Variants in SETDB2 observed in about 807,000 individuals in gnomAD.
SETDB2 encodes histone-lysine N-methyltransferase SETDB2.
Under a neutral mutation model 82.5 loss-of-function variants are expected in SETDB2, and 56 were observed. That is an observed-to-expected ratio of 0.68 (90% confidence interval 0.55 to 0.85). The LOEUF (loss-of-function observed/expected upper bound fraction) is 0.85. Among genes scored for constraint, SETDB2 ranks in the 40% least tolerant of loss-of-function variants. The pLI is 0.00. For missense variants in SETDB2, 677 were observed against 816.4 expected (o/e 0.83, Z 2.08); for synonymous variants, 272 against 284.9 (o/e 0.95, Z 0.46).
chr13:49,473,892 G>A (rs1173884941), intron 5 of SETDB2, among the ~76,000 whole-genome samples: 1 of 152,114 alleles, frequency 6.6e-6, no homozygotes, highest in African/African-American at 2.4e-5. Context: ...TGGTAAGAAG[G>A]AACTTGACAC....
intron 4 of SETDB2, among the ~76,000 whole-genome samples, chr13:49,463,458 A>T (rs1958039073): frequency 6.6e-6 from 1 of 152,162 alleles, no homozygotes; most frequent in African/African-American, 2.4e-5. Context: ...ACAGCACTTG[A>T]CTTTTATACA....
At chr13:49,454,654 G>A (rs185304115) in intron 2 of SETDB2, among the ~76,000 whole-genome samples, 3 of 152,164 alleles carry the variant, frequency 2.0e-5, no homozygotes, top group African/African-American at 4.8e-5. Context: ...GATCCCTGAC[G>A]TCCTAAATGA....
chr13:49,484,794 G>A (rs1215170611), intron 10 of SETDB2, among the ~76,000 whole-genome samples: 3 of 152,118 alleles, frequency 2.0e-5, no homozygotes, highest in Non-Finnish European at 4.4e-5. Context: ...TCTGCTTTAG[G>A]TGTTATGCAA....
chr13:49,463,882 C>A, intron 4 of SETDB2: 1 of 631,694 alleles, frequency 1.6e-6, no homozygotes, highest in Non-Finnish European at 2.8e-6. Flanking sequence ...TGTGTCCTGG[C>A]TTCTTAGATA....
Position 49,476,639 on chromosome 13 carries a change from A to C in SETDB2, c.469A>C (p.Ile157Leu), listed in dbSNP as rs151314217. The C allele has an allele frequency of 1.9e-5, 31 of 1,614,072 alleles. No homozygotes were observed. The highest frequency in any genetic ancestry group is 2.4e-5 in the Non-Finnish European group (28 of 1,180,042). The change falls in exon 6 of 14, where the codon ATC (isoleucine) becomes CTC (leucine). Residue 157 changes from isoleucine to leucine, a missense_variant. Ile to Leu is a conservative substitution (Grantham distance 5, BLOSUM62 2). Around this residue, in one of 3 missense-constraint regions of SETDB2, gnomAD observed 243 missense variants for 237.2 expected, o/e 1.02. Transcript: ENST00000611815. ...LKGENPLQLP[I>L]KCHFQRRHAK... ...GGGAGAAAACCCTCTGCAGCTGCCA[A>C]TCAAATGTCACTTCCAAAGACGACA...
chr13:49,457,287 T>C (rs184947676), intron 2 of SETDB2, among the ~76,000 whole-genome samples: 21 of 151,724 alleles, frequency 1.4e-4, no homozygotes, highest in Admixed American at 1.2e-3. Flanking sequence ...ATTTACTCTG[T>C]TTACTTTTTA....
Position 49,480,228 on chromosome 13 carries a change from T to C in SETDB2, c.879T>C (p.Cys293=). 6.2e-7 allele frequency: 1 copy of C among 1,605,180 alleles called. No homozygotes were observed. Among genetic ancestry groups the C allele is most frequent in the African/African-American group, 1.3e-5 (1 of 74,518 alleles). ...ATTGCCTGCCTTTTAGAACAAAATG[T>C]GCATGTCTTCAACTGACAGCAAGGA... ...CSEGCIDITK[C]ACLQLTARNA... The change falls in exon 7 of 14, where the codon TGT becomes TGC. Residue 293 remains cysteine, a synonymous_variant. Coordinates refer to ENST00000611815, the MANE Select transcript of SETDB2 (RefSeq NM_001160308.3).
intron 13 of SETDB2, among the ~76,000 whole-genome samples, chr13:49,491,502 A>G (rs1446338355): frequency 6.6e-6 from 1 of 152,196 alleles, no homozygotes; most frequent in East Asian, 1.9e-4. Flanking sequence ...GGCAAAATAC[A>G]CTTCTTCCTC....
chr13:49,477,917 A>C (rs1323480460), intron 6 of SETDB2, among the ~76,000 whole-genome samples: 1 of 152,234 alleles, frequency 6.6e-6, no homozygotes, highest in South Asian at 2.1e-4. Flanking sequence ...GAAAAAATGA[A>C]AACATGTTCT....
At chr13:49,482,614 A>T in intron 8 of SETDB2, 123 bp from the exon 9 acceptor site, 1 of 666,494 alleles carries the variant, frequency 1.5e-6, no homozygotes, top group Non-Finnish European at 2.5e-6. Flanking sequence ...AGGATGAGTT[A>T]ATGTGTTTAT....
intron 2 of SETDB2, among the ~76,000 whole-genome samples, chr13:49,453,715 A>G (rs1957825837): frequency 6.6e-6 from 1 of 152,046 alleles, no homozygotes; most frequent in Non-Finnish European, 1.5e-5. Context: ...GCTCTCGTAT[A>G]TTTCTTACGC....
chr13:49,491,705 G>T, intron 13 of SETDB2, 27 bp from the exon 14 acceptor site: 1 of 1,512,076 alleles, frequency 6.6e-7, no homozygotes, highest in Non-Finnish European at 9.1e-7. Flanking sequence ...GGTATTTTAT[G>T]ATTCTTTTCA....
At chr13:49,457,482 G>A (rs1051989510) in intron 2 of SETDB2, among the ~76,000 whole-genome samples, 1 of 147,036 alleles carries the variant, frequency 6.8e-6, no homozygotes, top group African/African-American at 2.5e-5. Flanking sequence ...TACCCAGGCT[G>A]GAGTGCAGTG....
chr13:49,467,661 T>A (rs563177469), intron 4 of SETDB2, among the ~76,000 whole-genome samples: 1 of 152,330 alleles, frequency 6.6e-6, no homozygotes, highest in African/African-American at 2.4e-5. Context: ...ATCTTTTCTG[T>A]CCTCAGTATT....
chr13:49,460,829 T>G (rs547304456), intron 3 of SETDB2, among the ~76,000 whole-genome samples: 1 of 152,328 alleles, frequency 6.6e-6, no homozygotes, highest in South Asian at 2.1e-4. Context: ...AAATTGGCAC[T>G]GTTTTTCATT....
chr13:49,480,937 T>A lies in SETDB2; in HGVS notation c.987-10T>A, dbSNP rs1473130027. 4 of 1,613,600 alleles carry A rather than the reference T, an allele frequency of 2.5e-6. No homozygotes were observed. Among genetic ancestry groups the A allele is most frequent in the African/African-American group, 2.7e-5 (2 of 74,912 alleles). ...TGTCTGATTTTCTCTTTTGCATATT[T>A]TGTTGACAGCATTTATGAATGCAGC... On this transcript the variant is annotated splice_polypyrimidine_tract_variant and intron_variant, in intron 7 of 13. Coordinates refer to ENST00000611815, the MANE Select transcript of SETDB2 (RefSeq NM_001160308.3).
In SETDB2 at chr13:49,492,395, C is replaced by A; in HGVS notation, c.*546C>A. On this transcript the variant is annotated 3_prime_UTR_variant, in exon 14 of 14. Transcript: ENST00000611815. ...AGAAGCAATATCTGGATCGATAAAACACTGTCCCATCAACCATTTGAGTGG... is the reference window on the plus strand; with the variant it reads ...AGAAGCAATATCTGGATCGATAAAAAACTGTCCCATCAACCATTTGAGTGG... 6.4e-6 allele frequency: 1 copy of A among 155,122 alleles called. No homozygotes were observed. Among genetic ancestry groups the A allele is most frequent in the Non-Finnish European group, 1.4e-5 (1 of 69,994 alleles). The allele number at this position is 155,122 out of a possible 1,614,324, so 9.6% of individuals were successfully genotyped here.
intron 1 of SETDB2, among the ~76,000 whole-genome samples, chr13:49,450,651 C>T (rs923623175): frequency 6.6e-6 from 1 of 152,060 alleles, no homozygotes; most frequent in Non-Finnish European, 1.5e-5. Context: ...ACTGACTTGG[C>T]CCTTAGAGAG....
intron 11 of SETDB2, 153 bp from the exon 12 acceptor site, chr13:49,488,135 GAA>G (rs779822768): frequency 1.3e-6 from 1 of 782,406 alleles, no homozygotes; most frequent in Non-Finnish European, 1.6e-6. Flanking sequence ...ATCCCTCAGA[GAA>G]AGTTTCCTTT....
Sources: allele counts gnomAD v4.1 joint callset (sites outside exome capture counted in the v4.1 genomes callset), GRCh38; gene constraint gnomAD v4.1.1; regional missense constraint gnomAD v4.1.1; transcripts MANE v1.5; gene names NCBI Gene and HGNC (gene_info 2026-07-23, HGNC 2026-07-21).